The following ST6GALNAC3 variants were observed in gnomAD, a reference collection of about 807,000 sequenced individuals.
ST6GALNAC3 encodes the protein ST6 N-acetylgalactosaminide alpha-2,6-sialyltransferase 3.
Under a neutral mutation model 32.7 loss-of-function variants are expected in ST6GALNAC3, and 25 were observed. That is an observed-to-expected ratio of 0.76 (90% CI 0.56 to 1.07). The LOEUF is 1.07. ST6GALNAC3 is among the 50% of genes least tolerant of loss of function. The probability of loss-of-function intolerance (pLI) is 0.00; values close to 1 mark genes in which losing one functional copy is unlikely to be tolerated. For missense variants in ST6GALNAC3, 355 were observed against 382.4 expected, an observed-to-expected ratio of 0.93 and a Z score of 0.60; for synonymous variants, 129 against 133.1, an observed-to-expected ratio of 0.97 and a Z score of 0.21.
At chr1:76,404,471 T>G (rs1653672821) in intron 2 of ST6GALNAC3, among the ~76,000 whole-genome samples, 1 of 152,092 alleles carries the variant, frequency 6.6e-6, no homozygotes, top group Non-Finnish European at 1.5e-5. Flanking sequence ...AATACATTTT[T>G]TTATCAAGCA....
chr1:76,212,613 G>T (rs1570455171), intron 1 of ST6GALNAC3, among the ~76,000 whole-genome samples: 1 of 152,182 alleles, frequency 6.6e-6, no homozygotes, highest in Non-Finnish European at 1.5e-5. Context: ...AAGCATCAGG[G>T]CTTATTTCCA....
At chr1:76,364,252 T>C (rs1266420403) in intron 2 of ST6GALNAC3, among the ~76,000 whole-genome samples, 3 of 152,166 alleles carry the variant, frequency 2.0e-5, no homozygotes, top group Non-Finnish European at 2.9e-5. Context: ...TCATACCTTT[T>C]AAAAAGTAAC....
intron 3 of ST6GALNAC3, among the ~76,000 whole-genome samples, chr1:76,524,971 A>T (rs1662776288): frequency 1.3e-5 from 2 of 152,084 alleles, no homozygotes; most frequent in Non-Finnish European, 2.9e-5. Context: ...TGAAAAGGGA[A>T]ATTGAAGAGA....
intron 2 of ST6GALNAC3, among the ~76,000 whole-genome samples, chr1:76,391,028 C>T (rs1423731322): frequency 4.6e-5 from 7 of 150,604 alleles, no homozygotes; most frequent in Admixed American, 3.3e-4. Flanking sequence ...CACGCTCCAC[C>T]TCCCAGGATC....
At chr1:76,091,572 C>T (rs1237149876) in intron 1 of ST6GALNAC3, among the ~76,000 whole-genome samples, 8 of 152,240 alleles carry the variant, frequency 5.3e-5, no homozygotes, top group South Asian at 4.1e-4. Flanking sequence ...CACATGACGA[C>T]GTTTCAGTCC....
At chr1:76,566,561 C>T (rs566419738) in intron 3 of ST6GALNAC3, among the ~76,000 whole-genome samples, 2 of 152,192 alleles carry the variant, frequency 1.3e-5, no homozygotes, top group East Asian at 3.9e-4. Context: ...CCCCCAAGAC[C>T]CTTCCAATGA....
At chr1:76,273,419 A>C (rs1201937074) in intron 1 of ST6GALNAC3, among the ~76,000 whole-genome samples, 2 of 152,192 alleles carry the variant, frequency 1.3e-5, no homozygotes, top group Admixed American at 6.5e-5. Context: ...CTTAATGTGC[A>C]AAGTTATCTT....
At chr1:76,505,288 A>G (rs1490679550) in intron 3 of ST6GALNAC3, among the ~76,000 whole-genome samples, 2 of 151,912 alleles carry the variant, frequency 1.3e-5, no homozygotes, top group Non-Finnish European at 2.9e-5. Context: ...ATGCCCAGCT[A>G]ATTTTTTGTA....
chr1:76,463,127 T>C (rs527786287), intron 3 of ST6GALNAC3, among the ~76,000 whole-genome samples: 19 of 152,300 alleles, frequency 1.2e-4, no homozygotes, highest in African/African-American at 4.6e-4. Flanking sequence ...CTGCAGAGAA[T>C]TTAATAGGAA....
At chr1:76,478,924 G>T (rs990419192) in intron 3 of ST6GALNAC3, among the ~76,000 whole-genome samples, 1 of 151,378 alleles carries the variant, frequency 6.6e-6, no homozygotes, top group African/African-American at 2.4e-5. Context: ...CACCACGCCC[G>T]GCTAATTTTT....
intron 1 of ST6GALNAC3, among the ~76,000 whole-genome samples, chr1:76,230,754 T>C (rs943110043): frequency 6.6e-6 from 1 of 152,216 alleles, no homozygotes; most frequent in African/African-American, 2.4e-5. Context: ...TAGAAAGGTA[T>C]CAGAATCAAC....
chr1:76,589,095 T>C (rs1647007301), intron 3 of ST6GALNAC3, among the ~76,000 whole-genome samples: 2 of 152,300 alleles, frequency 1.3e-5, no homozygotes, highest in Middle Eastern at 3.4e-3. Context: ...GGAAAGTTAA[T>C]GTATTTAAAC....
chr1:76,400,831 G>A (rs936051556), intron 2 of ST6GALNAC3, among the ~76,000 whole-genome samples: 2 of 149,478 alleles, frequency 1.3e-5, no homozygotes, highest in Non-Finnish European at 2.9e-5. Context: ...GGAGGCAGAG[G>A]CTGCAGTGAG....
At chr1:76,317,569 A>C (rs182809145) in intron 2 of ST6GALNAC3, among the ~76,000 whole-genome samples, 2 of 152,286 alleles carry the variant, frequency 1.3e-5, no homozygotes, top group African/African-American at 4.8e-5. Context: ...CTTGGCCCTT[A>C]AAGTTTTCTC....
At chr1:76,250,358 C>G (rs1308874934) in intron 1 of ST6GALNAC3, among the ~76,000 whole-genome samples, 2 of 152,190 alleles carry the variant, frequency 1.3e-5, no homozygotes, top group Non-Finnish European at 2.9e-5. Context: ...GGCACAGCTG[C>G]TAGGCATTTG....
At chr1:76,109,731 G>A (rs1004579302) in intron 1 of ST6GALNAC3, among the ~76,000 whole-genome samples, 3 of 152,242 alleles carry the variant, frequency 2.0e-5, no homozygotes, top group Non-Finnish European at 4.4e-5. Flanking sequence ...GGGCTTACAG[G>A]CACACTTTGG....
At chr1:76,338,709 C>A (rs1439352156) in intron 2 of ST6GALNAC3, among the ~76,000 whole-genome samples, 3 of 146,102 alleles carry the variant, frequency 2.1e-5, no homozygotes, top group Non-Finnish European at 3.1e-5. Flanking sequence ...CCCACCCCCA[C>A]CCCTAATGAA....
Position 76,444,119 on chromosome 1 carries a change from C to A in ST6GALNAC3, c.623+31702C>A, listed in dbSNP as rs191207748. Among the ~76,000 whole-genome samples, 271 of 152,330 alleles carry A rather than the reference C, an allele frequency of 1.8e-3. 1 individual carries two copies. Among genetic ancestry groups the A allele is most frequent in the Non-Finnish European group, 3.3e-3 (226 of 68,028 alleles). The stretch of plus-strand genomic sequence containing the variant: ...AGACTTGGTCAACTACCTGGCTTTA[C>A]TGTGCCTACACTCTGAGTTTCTCCT... On this transcript the variant is annotated intron_variant, in intron 3 of 4. Coordinates refer to ENST00000328299, the MANE Select transcript of ST6GALNAC3 (RefSeq NM_152996.4).
intron 3 of ST6GALNAC3, among the ~76,000 whole-genome samples, chr1:76,462,258 C>T (rs879824922): frequency 1.3e-5 from 2 of 151,876 alleles, no homozygotes; most frequent in Non-Finnish European, 1.5e-5. Flanking sequence ...TGTGTACATA[C>T]GTGAATTAAT....
Sources: allele counts gnomAD v4.1 joint callset (sites outside exome capture counted in the v4.1 genomes callset), GRCh38; gene constraint gnomAD v4.1.1; transcripts MANE v1.5; gene names NCBI Gene and HGNC (gene_info 2026-07-23, HGNC 2026-07-21).